The following TMCC2 variants were observed in gnomAD, a reference collection of about 807,000 sequenced individuals.
TMCC2 encodes transmembrane and coiled-coil domains protein 2.
TMCC2 carries 16 observed loss-of-function variants against 49.4 expected under a neutral mutation model. The ratio of observed to expected loss-of-function variants is 0.32; its 90% CI spans 0.22 to 0.49. The LOEUF is 0.49. Ranked by LOEUF, TMCC2 falls within the 20% of genes least tolerant of loss-of-function variation. TMCC2 has a pLI of 0.99. For synonymous variants in TMCC2, 397 were observed against 434.1 expected (o/e 0.91, Z 1.06); for missense variants, 762 against 989.8 (o/e 0.77, Z 3.09).
At chr1:205,261,609 G>A (rs374531549) in intron 2 of TMCC2, among the ~76,000 whole-genome samples, 1 of 151,612 alleles carries the variant, frequency 6.6e-6, no homozygotes, top group South Asian at 2.1e-4. Flanking sequence ...AGCCTGGGAC[G>A]TCGAGACTAC....
intron 2 of TMCC2, among the ~76,000 whole-genome samples, chr1:205,252,403 C>T (rs1451445): frequency 0.024 from 3,704 of 152,266 alleles, 62 homozygotes; most frequent in East Asian, 0.067. Flanking sequence ...CCACGTATTC[C>T]TAGGAAGCAT....
chr1:205,243,923 C>T (rs963119997), intron 2 of TMCC2, among the ~76,000 whole-genome samples: 5 of 152,150 alleles, frequency 3.3e-5, no homozygotes, highest in Non-Finnish European at 7.3e-5. Flanking sequence ...AGGCCAAGCA[C>T]CAGGAGCCCG....
chr1:205,266,985 T>C (rs996989872), intron 2 of TMCC2, among the ~76,000 whole-genome samples: 1 of 152,232 alleles, frequency 6.6e-6, no homozygotes, highest in Non-Finnish European at 1.5e-5. Flanking sequence ...GTCAGGCTAC[T>C]GGGACAGTTA....
At chr1:205,247,240 G>A (rs1325939452) in intron 2 of TMCC2, among the ~76,000 whole-genome samples, 1 of 152,150 alleles carries the variant, frequency 6.6e-6, no homozygotes, top group African/African-American at 2.4e-5. Flanking sequence ...GTAGACTAAG[G>A]CCTAGAGGAA....
rs575366626 is a variant in TMCC2 at position 205,272,476 on chromosome 1, G to A, written c.*352G>A. The A allele has an allele frequency of 3.7e-6, 1 of 271,306 alleles. No individual in the cohort carries two copies. Among genetic ancestry groups the A allele is most frequent in the East Asian group, 8.3e-5 (1 of 12,036 alleles). 16.8% of individuals were successfully genotyped at this position (271,306 alleles called of 1,614,324 possible). ...GAAGACCATTAAGAATAGGAGGAGA[G>A]GGCTCTGCCTCAACTTTCCTAGGAA... On this transcript the variant is annotated 3_prime_UTR_variant, in exon 5 of 5. Transcript: ENST00000358024.
chr1:205,256,448 G>A (rs747879267), intron 2 of TMCC2: 62 of 1,547,780 alleles, frequency 4.0e-5, no homozygotes, highest in Non-Finnish European at 5.2e-5. Context: ...TATCTTGGGT[G>A]TTTTTGCCAG....
In TMCC2 at chr1:205,228,483, CATATGA is replaced by C; in HGVS notation, c.-77_-72del. On this transcript the variant is annotated 5_prime_UTR_variant, in exon 1 of 5. The change abolishes an upstream ATG in the 5' untranslated region. Coordinates refer to ENST00000358024, the MANE Select transcript of TMCC2 (RefSeq NM_014858.4). The stretch of plus-strand genomic sequence containing the variant: ...TGTTAATAATTTAGACCCCAGGCCT[CATATGA>C]ATATAAGAGGGGGTGCGGTCTTCCC... 8.2e-7 allele frequency: 1 copy of C among 1,224,222 alleles called. No individual in the cohort carries two copies. 75.8% of individuals were successfully genotyped at this position (1,224,222 alleles called of 1,614,324 possible).
chr1:205,243,508 G>T (rs1205514639), intron 2 of TMCC2, among the ~76,000 whole-genome samples: 1 of 152,214 alleles, frequency 6.6e-6, no homozygotes, highest in African/African-American at 2.4e-5. Flanking sequence ...GAAAGAAGGC[G>T]CCAAGTGCAG....
At chr1:205,247,758 T>TC (rs1314751429) in intron 2 of TMCC2, among the ~76,000 whole-genome samples, 2 of 151,938 alleles carry the variant, frequency 1.3e-5, no homozygotes, top group Non-Finnish European at 2.9e-5. Flanking sequence ...CCTCCCCCAC[T>TC]CCCCCACACC....
At chr1:205,271,375 C>G (rs561374832) in intron 4 of TMCC2, 120 bp downstream of exon 4, 2 of 1,528,404 alleles carry the variant, frequency 1.3e-6, no homozygotes, top group Non-Finnish European at 1.8e-6. Flanking sequence ...TGGCCGGGGC[C>G]GATAGGCACA....
At chr1:205,231,563 C>T (rs1254504448) in intron 1 of TMCC2, among the ~76,000 whole-genome samples, 1 of 152,252 alleles carries the variant, frequency 6.6e-6, no homozygotes, top group African/African-American at 2.4e-5. Flanking sequence ...TCCCAAAAAG[C>T]TGGGATTACA....
intron 2 of TMCC2, among the ~76,000 whole-genome samples, chr1:205,244,209 G>T (rs1434995604): frequency 3.3e-5 from 5 of 152,078 alleles, no homozygotes; most frequent in Admixed American, 6.5e-5. Flanking sequence ...GGTTTTGTTG[G>T]TTTTTTTAAG....
At chr1:205,260,172 G>A (rs979468819) in intron 2 of TMCC2, among the ~76,000 whole-genome samples, 2 of 152,184 alleles carry the variant, frequency 1.3e-5, no homozygotes, top group Admixed American at 1.3e-4. Flanking sequence ...GGAGTGGCCA[G>A]CCTATCTCAG....
At position 205,271,200 on chromosome 1, in the gene TMCC2, C is replaced by G; in HGVS notation, c.1763C>G (p.Ala588Gly). The change falls in exon 4 of 5, where the codon GCC becomes GGC. Residue 588 changes from alanine to glycine, a missense_variant. Coordinates refer to ENST00000358024, the MANE Select transcript of TMCC2 (RefSeq NM_014858.4). ...NEMTNLKQEL[A>G]SMEEKVAYQS... ...ATGACGAACCTGAAGCAGGAGCTGG[C>G]CAGCATGGAGGAGAAGGTGGCCTAC... is the stretch of plus-strand genomic sequence containing the variant. 1.2e-6 allele frequency: 2 copies of G among 1,614,130 alleles called. No individual in the cohort carries two copies.
chr1:205,267,541 T>C lies in TMCC2; in HGVS notation c.748-1409T>C, dbSNP rs557962646. Among the ~76,000 whole-genome samples, 8 of 152,246 alleles carry C rather than the reference T, an allele frequency of 5.3e-5. No homozygotes were observed. The South Asian group carries it at 1.7e-3, about 32-fold the overall frequency. ...GAGCCATTTCCTGCTGCTTCCGTTG[T>C]TGTATGGCGATAAGACACTGGGGAC... is the stretch of plus-strand genomic sequence containing the variant. On this transcript the variant is annotated intron_variant, in intron 2 of 4. Transcript: ENST00000358024.
At chr1:205,252,432 T>C (rs1191834030) in intron 2 of TMCC2, among the ~76,000 whole-genome samples, 1 of 152,252 alleles carries the variant, frequency 6.6e-6, no homozygotes, top group East Asian at 1.9e-4. Context: ...GGGTTGCTGC[T>C]GTTCACGCTG....
chr1:205,244,495 TGAG>T (rs1447868455), intron 2 of TMCC2, among the ~76,000 whole-genome samples: 1 of 151,942 alleles, frequency 6.6e-6, no homozygotes, highest in African/African-American at 2.4e-5. Context: ...AGGGCTGGCT[TGAG>T]GAGGGCAGTA....
rs536979700 is a variant in TMCC2, at chr1:205,228,700, G to A, written c.136G>A (p.Gly46Arg). The change falls in exon 1 of 5, where the codon GGG becomes AGG. Residue 46 changes from glycine (G) to arginine (R), a missense_variant. Physicochemically the swap from Gly to Arg is moderately radical, Grantham distance 125. Around this residue, in one of 2 missense-constraint regions of TMCC2, gnomAD observed 322 missense variants for 353.1 expected, o/e 0.91. Transcript: ENST00000358024. ...GETTGANSAG[G>R]PTSDAGAAAA... ...GACCACGGGTGCTAACTCTGCTGGC[G>A]GGCCAACTTCAGACGCCGGCGCTGC... 1.2e-6 allele frequency: 2 copies of A among 1,612,244 alleles called. No individual in the cohort carries two copies. The highest frequency in any genetic ancestry group is 2.7e-5 in the African/African-American group (2 of 75,004).
At chr1:205,238,067 C>G (rs1660125483) in intron 1 of TMCC2, among the ~76,000 whole-genome samples, 1 of 152,108 alleles carries the variant, frequency 6.6e-6, no homozygotes, top group Non-Finnish European at 1.5e-5. Context: ...TTTCTGGCAG[C>G]CAGGGAAAAG....
Sources: gnomAD v4.1 joint callset for allele counts (sites outside exome capture counted in the v4.1 genomes callset) on GRCh38, gnomAD v4.1.1 for gene constraint, gnomAD v4.1.1 regional missense constraint, MANE v1.5 for transcripts, NCBI Gene and HGNC (gene_info 2026-07-23, HGNC 2026-07-21) for gene names.